Variants in NME8 observed in about 807,000 individuals in gnomAD.
NME8 encodes protein NME8.
NME8 carries 72 observed loss-of-function variants against 82.3 expected under a neutral mutation model. That is an observed-to-expected ratio of 0.87 (90% CI 0.72 to 1.06). The LOEUF (loss-of-function observed/expected upper bound fraction) is 1.06, where lower values mean the gene tolerates loss of function less well. Ranked by LOEUF, NME8 falls within the 50% of genes least tolerant of loss-of-function variation. The pLI is 0.00. For synonymous variants in NME8, 267 were observed against 228.5 expected (o/e 1.17, Z -1.52); for missense variants, 712 against 685.4 (o/e 1.04, Z -0.43).
intron 15 of NME8, among the ~76,000 whole-genome samples, chr7:37,891,735 C>T (rs1785132353): frequency 6.6e-6 from 1 of 151,852 alleles, no homozygotes; most frequent in Non-Finnish European, 1.5e-5. Flanking sequence ...TCACTAGAGA[C>T]AGAAACTAAA....
chr7:37,863,477 T>G lies in NME8; in HGVS notation c.454+15T>G, dbSNP rs1382583068. On this transcript the variant is annotated intron_variant, in intron 8 of 17. Transcript: ENST00000199447. Reference sequence around the variant, plus strand: ...TGAAAGTGTTCGTAAGTAAATTTACTTCAAAGTAATCCAAGGGTTTTCTGT... The same window carrying G: ...TGAAAGTGTTCGTAAGTAAATTTACGTCAAAGTAATCCAAGGGTTTTCTGT... The G allele has an allele frequency of 2.6e-6, 4 of 1,515,844 alleles. No homozygotes were observed. The highest frequency in any genetic ancestry group is 3.7e-6 in the Non-Finnish European group (4 of 1,090,716). The allele number at this position is 1,515,844 out of a possible 1,614,324, so 93.9% of individuals were successfully genotyped here. A position where few individuals can be genotyped will look rare whatever the true frequency, so the allele number is the denominator to read the frequency against.
rs1784710919 is a variant in NME8 at position 37,867,858 on chromosome 7, G to GC, written c.781dup (p.Gln261ProfsTer28). On this transcript the variant is annotated frameshift_variant, in exon 11 of 18. Transcript: ENST00000199447. LOFTEE classifies it high-confidence loss of function. ...ATCTGAGGATCAACCTGAGGTCGAA[G>GC]CCCAGGTTACACCTGGAATGATGAA... 1 of 1,613,764 alleles carries GC rather than the reference G, an allele frequency of 6.2e-7. No homozygotes were observed. The highest frequency in any genetic ancestry group is 2.2e-5 in the East Asian group (1 of 44,804).
In NME8 at chr7:37,888,352, A is replaced by G. The variant is rs775488207; in HGVS notation, c.1323A>G (p.Glu441=). The part of the protein sequence containing the change: ...LYGSDSLETA[E]REIQHFFPLQ... ...GCAGCGATTCATTAGAAACCGCTGA[A>G]AGGGAAATACAGCATTTCTTTCCTC... is the stretch of plus-strand genomic sequence containing the variant. The change falls in exon 15 of 18, where the codon GAA becomes GAG. Residue 441 remains glutamate (E), a synonymous_variant. Coordinates refer to ENST00000199447, the MANE Select transcript of NME8 (RefSeq NM_016616.5). 1.5e-5 allele frequency: 25 copies of G among 1,613,466 alleles called. No individual in the cohort carries two copies. The East Asian group carries it at 5.6e-4, about 36-fold the overall frequency.
rs76465930 is a variant in NME8 at position 37,886,328 on chromosome 7, C to T, written c.1247+1076C>T. Among the ~76,000 whole-genome samples the T allele has an allele frequency of 4.5e-3, 689 of 152,298 alleles. 9 individuals are homozygous for T. The highest frequency in any genetic ancestry group is 0.015 in the African/African-American group (640 of 41,556). On this transcript the variant is annotated intron_variant, in intron 14 of 17. Transcript: ENST00000199447. ...CACACTGGTCTAGACACTGTGGCAC[C>T]AAGTGTGGAGGCTCTCAGTTACTGC...
At chr7:37,880,518 G>C (rs563361764) in intron 12 of NME8, among the ~76,000 whole-genome samples, 6 of 152,152 alleles carry the variant, frequency 3.9e-5, no homozygotes, top group African/African-American at 1.4e-4. Flanking sequence ...GTTTGTGTGG[G>C]TCTTTTTCTG....
chr7:37,876,216 CTATA>C (rs57828103), intron 11 of NME8, among the ~76,000 whole-genome samples: 1,522 of 143,234 alleles, frequency 0.011, 31 homozygotes, highest in African/African-American at 0.035. Flanking sequence ...CAAAAAAACA[CTATA>C]TATATATATA....
chr7:37,879,939 C>A (rs901367806), intron 12 of NME8, among the ~76,000 whole-genome samples: 1 of 152,146 alleles, frequency 6.6e-6, no homozygotes, highest in Non-Finnish European at 1.5e-5. Context: ...TTACAATTCC[C>A]TAATGACATA....
intron 6 of NME8, among the ~76,000 whole-genome samples, chr7:37,858,353 G>C (rs937159551): frequency 3.3e-5 from 5 of 152,074 alleles, no homozygotes; most frequent in Admixed American, 6.5e-5. Context: ...TGAATCGCTG[G>C]GTTAATGATT....
intron 11 of NME8, 110 bp downstream of exon 11, chr7:37,868,008 A>T: frequency 3.5e-6 from 3 of 868,634 alleles, no homozygotes; most frequent in Non-Finnish European, 5.6e-6. Flanking sequence ...TAAAGGCATA[A>T]GTATTTCTTC....
At chr7:37,878,810 A>G (rs1253531995) in intron 12 of NME8, among the ~76,000 whole-genome samples, 2 of 152,178 alleles carry the variant, frequency 1.3e-5, no homozygotes, top group African/African-American at 4.8e-5. Flanking sequence ...ACCTTCTCCT[A>G]TCAACATCAT....
rs562003564 is a variant in NME8, at chr7:37,863,329, A to G, written c.388-67A>G. The G allele has an allele frequency of 4.6e-5, 43 of 943,198 alleles. No homozygotes were observed. In the East Asian group the frequency reaches 9.6e-4, roughly 21 times the overall value. 58.4% of individuals were successfully genotyped at this position (943,198 alleles called of 1,614,324 possible). A position where few individuals can be genotyped will look rare whatever the true frequency, so the allele number is the denominator to read the frequency against. On this transcript the variant is annotated intron_variant, in intron 7 of 17. Coordinates refer to ENST00000199447, the MANE Select transcript of NME8 (RefSeq NM_016616.5). ...AATATTTACTAGATACAAAATTTCT[A>G]AAAACCCACTCACTATCATATTAAA...
chr7:37,876,965 A>G lies in NME8; in HGVS notation c.952A>G (p.Thr318Ala). The G allele has an allele frequency of 6.2e-7, 1 of 1,613,350 alleles. No homozygotes were observed. Among genetic ancestry groups the G allele is most frequent in the Non-Finnish European group, 8.5e-7 (1 of 1,179,534 alleles). ...AATGAAAAGCATGAAATTAGAAAAG[A>G]CATTGGCATTACTTCGACCAAATCT... ...KKMKSMKLEK[T>A]LALLRPNLFH... is the part of the protein sequence containing the mutation. The change falls in exon 12 of 18, where the codon ACA becomes GCA. Residue 318 changes from threonine to alanine, a missense_variant. By Grantham distance (58) the Thr-to-Ala change is moderately conservative. Transcript: ENST00000199447.
intron 17 of NME8, 132 bp downstream of exon 17, chr7:37,897,239 C>A: frequency 1.5e-6 from 1 of 662,270 alleles, no homozygotes; most frequent in Non-Finnish European, 2.6e-6. Flanking sequence ...GTGAGACACA[C>A]TGTTCTATTG....
chr7:37,880,847 T>C (rs1784933442), intron 12 of NME8, among the ~76,000 whole-genome samples: 2 of 152,194 alleles, frequency 1.3e-5, no homozygotes, highest in South Asian at 4.1e-4. Context: ...TTAGATTCTT[T>C]ACATATTTTG....
chr7:37,863,015 G>T (rs1291558075), intron 7 of NME8, among the ~76,000 whole-genome samples: 2 of 152,042 alleles, frequency 1.3e-5, no homozygotes, highest in Non-Finnish European at 2.9e-5. Context: ...AGCTATTCGG[G>T]AGACTGAGGC....
intron 5 of NME8, among the ~76,000 whole-genome samples, chr7:37,852,299 C>T (rs915458904): frequency 5.9e-5 from 9 of 152,036 alleles, no homozygotes; most frequent in African/African-American, 2.2e-4. Context: ...ATCAAAATCC[C>T]ACATCAGAGT....
At chr7:37,864,267 A>G (rs1784640841) in intron 8 of NME8, 81 bp from the exon 9 acceptor site, 5 of 1,480,148 alleles carry the variant, frequency 3.4e-6, no homozygotes, top group South Asian at 2.4e-5. Flanking sequence ...AGAAATTTAC[A>G]TTGCTAATTG....
In NME8 at chr7:37,850,352, C is replaced by A. The variant is rs747880885; in HGVS notation, c.34-26C>A. The stretch of plus-strand genomic sequence containing the variant: ...ATCTGGTGCACTAGTGCTTGAATAC[C>A]TTTTACAGTGCCTTCCACTTTGCAG... On this transcript the variant is annotated intron_variant, in intron 3 of 17. Transcript: ENST00000199447. 6.2e-6 allele frequency: 10 copies of A among 1,613,858 alleles called. No individual in the cohort carries two copies. The African/African-American group carries it at 9.3e-5, about 15-fold the overall frequency.
At position 37,895,212 on chromosome 7, in the gene NME8, C is replaced by T. The variant is rs561106337; in HGVS notation, c.1544+602C>T. On this transcript the variant is annotated intron_variant, in intron 16 of 17. Coordinates refer to ENST00000199447, the MANE Select transcript of NME8 (RefSeq NM_016616.5). ...TGTATACATAATAACATAAATATTA[C>T]GATAAGAAATACACTCTTTTAAAAC... Among the ~76,000 whole-genome samples the T allele has an allele frequency of 1.5e-4, 23 of 152,180 alleles. No homozygotes were observed. In the East Asian group the frequency reaches 1.7e-3, roughly 11 times the overall value.
Sources: gnomAD v4.1 joint callset for allele counts (sites outside exome capture counted in the v4.1 genomes callset) on GRCh38, gnomAD v4.1.1 for gene constraint, MANE v1.5 for transcripts, NCBI Gene and HGNC (gene_info 2026-07-23, HGNC 2026-07-21) for gene names.